Variants in SNRPN observed in about 807,000 individuals in gnomAD.
SNRPN encodes the protein small nuclear ribonucleoprotein-associated protein N.
SNRPN carries 7 observed loss-of-function variants against 25.2 expected under a neutral mutation model. The observed-to-expected ratio is 0.28, with a 90% CI of 0.16 to 0.52. The LOEUF (loss-of-function observed/expected upper bound fraction) is 0.52. SNRPN is among the 20% of genes least tolerant of loss of function. SNRPN has a pLI of 0.96. For missense variants in SNRPN, 196 were observed against 322.5 expected (o/e 0.61, Z 3.00); for synonymous variants, 124 against 110.6 (o/e 1.12, Z -0.76).
chr15:24,954,790 C>G, upstream of SNRPN: 1 of 567,668 alleles, frequency 1.8e-6, no homozygotes, highest in South Asian at 2.3e-5. Context: ...TTTCTAGAGG[C>G]CCCCTCTCAT....
upstream of SNRPN, among the ~76,000 whole-genome samples, chr15:24,852,729 A>C (rs974934485): frequency 6.6e-6 from 1 of 152,184 alleles, no homozygotes; most frequent in African/African-American, 2.4e-5. Flanking sequence ...ATTCAAGACC[A>C]ATCTGGGCAA....
chr15:24,897,020 G>T (rs2058119542), intron 2 of SNRPN, among the ~76,000 whole-genome samples: 1 of 151,996 alleles, frequency 6.6e-6, no homozygotes, highest in Non-Finnish European at 1.5e-5. Context: ...GGGCACAGTG[G>T]CATGCACCTG....
intron 2 of SNRPN, among the ~76,000 whole-genome samples, chr15:24,913,663 C>CA (rs1294310798): frequency 3.7e-4 from 56 of 150,030 alleles, no homozygotes; most frequent in African/African-American, 1.3e-3. Context: ...CAAAACAAAA[C>CA]AAAACAAAAA....
chr15:24,863,679 G>A (rs544932840), intron 1 of SNRPN, among the ~76,000 whole-genome samples: 2 of 150,796 alleles, frequency 1.3e-5, no homozygotes, highest in African/African-American at 2.5e-5. Flanking sequence ...GCCCTGCTTT[G>A]TATATGTTTG....
chr15:24,827,853 C>T (rs933317274), intron 1 of SNRPN, among the ~76,000 whole-genome samples: 10 of 133,438 alleles, frequency 7.5e-5, no homozygotes, highest in Non-Finnish European at 1.4e-4. Flanking sequence ...GGTGACAAAG[C>T]GAGACTCCAT....
chr15:24,956,764 CCACGGTGCAGCAGTA>C (rs1432201503), intron 1 of SNRPN, among the ~76,000 whole-genome samples: 11 of 152,172 alleles, frequency 7.2e-5, no homozygotes, highest in Admixed American at 5.9e-4. Context: ...CACCCCTTAC[CCACGGTGCAGCAGTA>C]GAGGACTGGA....
intron 1 of SNRPN, among the ~76,000 whole-genome samples, chr15:24,883,914 G>A (rs1197978657): frequency 2.0e-5 from 3 of 150,958 alleles, no homozygotes; most frequent in Non-Finnish European, 4.4e-5. Context: ...GCTGAGGCAC[G>A]AGAATTGCTT....
At chr15:24,931,570 C>G (rs887589394) in intron 3 of SNRPN, among the ~76,000 whole-genome samples, 1 of 151,416 alleles carries the variant, frequency 6.6e-6, no homozygotes, top group Non-Finnish European at 1.5e-5. Context: ...CGGGGTGCCA[C>G]ACGCTTGTAA....
chr15:24,889,111 T>C (rs2057436916), intron 2 of SNRPN, among the ~76,000 whole-genome samples: 1 of 151,814 alleles, frequency 6.6e-6, no homozygotes, highest in African/African-American at 2.4e-5. Context: ...AGAGACAGGG[T>C]TTCACCATGT....
intron 1 of SNRPN, among the ~76,000 whole-genome samples, chr15:24,878,259 C>T (rs907120418): frequency 2.0e-5 from 3 of 152,236 alleles, no homozygotes; most frequent in African/African-American, 4.8e-5. Flanking sequence ...TGAAGCCCCA[C>T]GGGTCTCACT....
chr15:24,926,030 G>A (rs1173086551), intron 3 of SNRPN, among the ~76,000 whole-genome samples: 4 of 151,940 alleles, frequency 2.6e-5, no homozygotes, highest in South Asian at 4.1e-4. Flanking sequence ...CACCGTGCCC[G>A]GCCCACTAAT....
At chr15:24,827,069 A>T (rs534967575) in intron 1 of SNRPN, among the ~76,000 whole-genome samples, 1 of 152,212 alleles carries the variant, frequency 6.6e-6, no homozygotes, top group South Asian at 2.1e-4. Context: ...TAAAAATATG[A>T]TATAAAACAT....
At chr15:24,843,972 GA>G (rs58031649) in intron 2 of SNRPN, among the ~76,000 whole-genome samples, 185 of 135,416 alleles carry the variant, frequency 1.4e-3, no homozygotes, top group African/African-American at 3.5e-3. Context: ...ACTCTGTCTT[GA>G]AAAAAAAAAA....
rs2077241738 is a variant in SNRPN at position 24,977,871 on chromosome 15, C to T, written c.514C>T (p.Arg172Trp). 3 of 1,608,698 alleles carry T rather than the reference C, an allele frequency of 1.9e-6. No homozygotes were observed. The highest frequency in any genetic ancestry group is 2.5e-6 in the Non-Finnish European group (3 of 1,177,148). Residue 172 changes from arginine to tryptophan, a missense_variant, in exon 8 of 10, where the codon CGG becomes TGG. Physicochemically the swap from Arg to Trp is moderately radical, Grantham distance 101. Transcript: ENST00000390687. ...AGAPTQYPPG[R>W]GTPPPPVGRA... ...AGCCCCAACACAGTACCCACCAGGA[C>T]GGGGCACTCCGCCCCCACCCGTCGG...
At chr15:24,957,952 A>G (rs1167435291) in intron 1 of SNRPN, among the ~76,000 whole-genome samples, 1 of 152,082 alleles carries the variant, frequency 6.6e-6, no homozygotes, top group African/African-American at 2.4e-5. Context: ...GCTCTGTGCT[A>G]GGGCTTTTTG....
intron 2 of SNRPN, among the ~76,000 whole-genome samples, chr15:24,835,161 G>GTATA (rs10678778): frequency 2.1e-3 from 80 of 38,528 alleles, no homozygotes; most frequent in African/African-American, 9.6e-3. Context: ...AAAATATATA[G>GTATA]TATATATATG....
At chr15:24,890,521 A>C (rs2057586253) in intron 2 of SNRPN, among the ~76,000 whole-genome samples, 1 of 152,038 alleles carries the variant, frequency 6.6e-6, no homozygotes, top group African/African-American at 2.4e-5. Context: ...CTAAAAATAC[A>C]AAAAACAACT....
chr15:24,974,471 A>G lies in SNRPN; in HGVS notation c.3+15A>G, dbSNP rs768847432. 4.3e-6 allele frequency: 7 copies of G among 1,613,160 alleles called. No individual in the cohort carries two copies. The highest frequency in any genetic ancestry group is 5.9e-6 in the Non-Finnish European group (7 of 1,179,238). The stretch of plus-strand genomic sequence containing the variant: ...CAGCAATCATGGTAAGCTGTATGAT[A>G]AGGCTGAGGGTTGAAATGTGCTGTA... On this transcript the variant is annotated intron_variant, in intron 4 of 9. Coordinates refer to ENST00000390687, the MANE Select transcript of SNRPN (RefSeq NM_003097.6).
intron 3 of SNRPN, among the ~76,000 whole-genome samples, chr15:24,948,516 C>A (rs891859489): frequency 1.3e-5 from 2 of 151,952 alleles, no homozygotes; most frequent in African/African-American, 4.8e-5. Context: ...ATTGATGTAC[C>A]AATATTGGTA....
Sources: gnomAD v4.1 joint callset for allele counts (sites outside exome capture counted in the v4.1 genomes callset) on GRCh38, gnomAD v4.1.1 for gene constraint, MANE v1.5 for transcripts, NCBI Gene and HGNC (gene_info 2026-07-23, HGNC 2026-07-21) for gene names.